Variants in XRRA1 observed in about 807,000 individuals in gnomAD.
XRRA1 encodes the protein X-ray radiation resistance-associated protein 1.
XRRA1 carries 69 observed loss-of-function variants against 80.2 expected under a neutral mutation model. That is an observed-to-expected ratio of 0.86 (90% CI 0.71 to 1.05). The LOEUF is 1.05. Among genes scored for constraint, XRRA1 ranks in the 50% least tolerant of loss-of-function variants. The pLI, the probability that XRRA1 is intolerant of heterozygous loss-of-function variation, is 0.00. For missense variants in XRRA1, 967 were observed against 976.4 expected (o/e 0.99, Z 0.13); for synonymous variants, 348 against 389.9 (o/e 0.89, Z 1.27).
rs61746073 is a variant in XRRA1, at chr11:74,927,429, T to C, written c.484A>G (p.Thr162Ala). 2.5e-3 allele frequency: 4,056 copies of C among 1,613,638 alleles called. 86 individuals are homozygous for C. The African/African-American group carries it at 0.048, about 19-fold the overall frequency. Residue 162 changes from threonine (T) to alanine (A), a missense_variant, in exon 7 of 19, where the codon ACT (threonine) becomes GCT (alanine). Thr to Ala is a moderately conservative substitution (Grantham distance 58). Coordinates refer to ENST00000684022, the MANE Select transcript of XRRA1 (RefSeq NM_001378157.1). ...AAGTCTCCATATTTCACGTAGATAG[T>C]TTTGATGCCATTAAATGCGAGATCC... ...ELDLAFNGIK[T>A]IYVKYGDFKL...
In XRRA1 at chr11:74,848,164, C is replaced by T. The variant is rs144693538; in HGVS notation, c.1679G>A (p.Arg560His). 5.5e-5 allele frequency: 89 copies of T among 1,613,290 alleles called. No homozygotes were observed. The highest frequency in any genetic ancestry group is 1.3e-4 in the Admixed American group (8 of 60,012). ...SDTTVRLSPE[R>H]PSDEDSKSTE... ...GCTCTTGGAGTCCTCATCTGATGGG[C>T]GCTCTGGGCTGAGGCGGACAGTTGT... The change falls in exon 15 of 19, where the codon CGC (arginine) becomes CAC (histidine). Residue 560 changes from arginine (R) to histidine (H), a missense_variant. Coordinates refer to ENST00000684022, the MANE Select transcript of XRRA1 (RefSeq NM_001378157.1).
intron 10 of XRRA1, among the ~76,000 whole-genome samples, chr11:74,877,852 C>T (rs1359523499): frequency 6.7e-6 from 1 of 149,128 alleles, no homozygotes; most frequent in Non-Finnish European, 1.5e-5. Context: ...TTTCTTAATC[C>T]AGTCTATCAT....
Position 74,851,206 on chromosome 11 carries a change from G to C in XRRA1, c.1265-3C>G, listed in dbSNP as rs766884735. 6.2e-7 allele frequency: 1 copy of C among 1,601,448 alleles called. No homozygotes were observed. Among genetic ancestry groups the C allele is most frequent in the African/African-American group, 1.3e-5 (1 of 74,218 alleles). ...GCTCTTCAGCAGTGGAGGGACCCCT[G>C]GTGCCATGATGGGAAAATAAGATTA... is the stretch of plus-strand genomic sequence containing the variant. On this transcript the variant is annotated splice_region_variant and splice_polypyrimidine_tract_variant and intron_variant, in intron 13 of 18. Coordinates refer to ENST00000684022, the MANE Select transcript of XRRA1 (RefSeq NM_001378157.1).
intron 10 of XRRA1, among the ~76,000 whole-genome samples, chr11:74,871,222 C>G (rs2044699649): frequency 6.6e-6 from 1 of 152,140 alleles, no homozygotes; most frequent in African/African-American, 2.4e-5. Context: ...TTCTCTAGAT[C>G]CATGCCTGAG....
At chr11:74,845,845 A>G (rs2037973687) in intron 15 of XRRA1, 1 of 153,516 alleles carries the variant, frequency 6.5e-6, no homozygotes, top group Admixed American at 6.4e-5. Flanking sequence ...ATTTTAGCCT[A>G]TCCTAATGGC....
At position 74,843,971 on chromosome 11, in the gene XRRA1, T is replaced by C; in HGVS notation, c.2044-12A>G. 6.2e-7 allele frequency: 1 copy of C among 1,609,326 alleles called. No individual in the cohort carries two copies. Among genetic ancestry groups the C allele is most frequent in the African/African-American group, 1.3e-5 (1 of 74,914 alleles). ...GGGATTCTCTGGGCCTGGCAGAAGG[T>C]CATGGAGGAGGGTGTTATCCCAGGT... On this transcript the variant is annotated splice_polypyrimidine_tract_variant and intron_variant, in intron 17 of 18. Coordinates refer to ENST00000684022, the MANE Select transcript of XRRA1 (RefSeq NM_001378157.1).
chr11:74,845,240 T>A lies in XRRA1; in HGVS notation c.1760A>T (p.Lys587Met). The A allele has an allele frequency of 6.2e-7, 1 of 1,613,906 alleles. No individual in the cohort carries two copies. Among genetic ancestry groups the A allele is most frequent in the South Asian group, 1.1e-5 (1 of 91,072 alleles). ...TTTCTCCTTTAACTCTAAATCATCC[T>A]TATGGATGACGGAGGAAGGCAGTTC... ...VSELPSSVIHKDDLELKEKDQ... is the reference protein window; with the variant it reads ...VSELPSSVIHMDDLELKEKDQ... The change falls in exon 16 of 19, where the codon AAG (lysine) becomes ATG (methionine). Residue 587 changes from lysine to methionine, a missense_variant. Coordinates refer to ENST00000684022, the MANE Select transcript of XRRA1 (RefSeq NM_001378157.1).
At chr11:74,873,619 G>T (rs944549253) in intron 10 of XRRA1, among the ~76,000 whole-genome samples, 1 of 152,204 alleles carries the variant, frequency 6.6e-6, no homozygotes, top group Non-Finnish European at 1.5e-5. Flanking sequence ...TCAGGTCAGG[G>T]TCTTGCCATA....
At chr11:74,860,493 G>A (rs1292773415) in intron 11 of XRRA1, among the ~76,000 whole-genome samples, 2 of 152,266 alleles carry the variant, frequency 1.3e-5, no homozygotes. Context: ...TGGGGGCAGA[G>A]AGGGCCCTGT....
chr11:74,884,954 A>G (rs1333011381), intron 10 of XRRA1, among the ~76,000 whole-genome samples: 2 of 152,226 alleles, frequency 1.3e-5, no homozygotes, highest in South Asian at 2.1e-4. Flanking sequence ...GAAAATTTAG[A>G]TGCAAAAAAC....
At chr11:74,936,210 A>T (rs540272041) in intron 4 of XRRA1, among the ~76,000 whole-genome samples, 55 of 152,372 alleles carry the variant, frequency 3.6e-4, no homozygotes, top group African/African-American at 1.2e-3. Context: ...CCACTGAGGC[A>T]TTGCACAGAG....
At chr11:74,886,368 A>G (rs2049016627) in intron 10 of XRRA1, among the ~76,000 whole-genome samples, 1 of 152,236 alleles carries the variant, frequency 6.6e-6, no homozygotes, top group Non-Finnish European at 1.5e-5. Context: ...GCAAAGTTTC[A>G]GGATACAAAA....
intron 1 of XRRA1, among the ~76,000 whole-genome samples, chr11:74,945,343 G>A (rs773904862): frequency 3.4e-4 from 52 of 152,250 alleles, no homozygotes; most frequent in African/African-American, 7.9e-4. Context: ...TCAGACACAC[G>A]AAGCACAAAC....
intron 8 of XRRA1, among the ~76,000 whole-genome samples, chr11:74,909,454 C>T (rs563024958): frequency 5.3e-5 from 8 of 152,248 alleles, no homozygotes; most frequent in African/African-American, 1.9e-4. Flanking sequence ...TAAAAAATTC[C>T]TCTTAAGCTC....
intron 11 of XRRA1, among the ~76,000 whole-genome samples, chr11:74,860,089 T>C (rs1591665136): frequency 6.6e-6 from 1 of 152,210 alleles, no homozygotes; most frequent in South Asian, 2.1e-4. Context: ...TTAATCACTA[T>C]GGAATCTTGA....
chr11:74,860,928 C>G (rs1319342092), intron 11 of XRRA1, among the ~76,000 whole-genome samples: 1 of 152,204 alleles, frequency 6.6e-6, no homozygotes, highest in Non-Finnish European at 1.5e-5. Flanking sequence ...TGGAGGCTGG[C>G]CATGCCAGAA....
chr11:74,873,277 A>G (rs1199712036), intron 10 of XRRA1, among the ~76,000 whole-genome samples: 3 of 152,142 alleles, frequency 2.0e-5, no homozygotes, highest in Admixed American at 6.5e-5. Context: ...CAACACCCCA[A>G]TATTAGGAGT....
chr11:74,928,164 T>C (rs1334598488), intron 6 of XRRA1, among the ~76,000 whole-genome samples: 1 of 152,238 alleles, frequency 6.6e-6, no homozygotes, highest in East Asian at 1.9e-4. Flanking sequence ...TATGAATAAA[T>C]GTTTCTCTCT....
chr11:74,863,734 G>A (rs1186341669), intron 10 of XRRA1: 1 of 152,166 alleles, frequency 6.6e-6, no homozygotes, highest in Non-Finnish European at 1.5e-5. Context: ...ATATTATAAT[G>A]AGACAAGTCA....
Sources: gnomAD v4.1 joint callset for allele counts (sites outside exome capture counted in the v4.1 genomes callset) on GRCh38, gnomAD v4.1.1 for gene constraint, MANE v1.5 for transcripts, NCBI Gene and HGNC (gene_info 2026-07-23, HGNC 2026-07-21) for gene names.